Variants in VWA8 observed in about 807,000 individuals in gnomAD.
VWA8 encodes von Willebrand factor A domain-containing protein 8.
A neutral mutation model predicts 241.5 loss-of-function variants in VWA8; 221 were observed. The observed-to-expected ratio is 0.91, with a 90% CI of 0.82 to 1.02. The LOEUF is 1.02. VWA8 is among the 50% of genes least tolerant of loss of function. The pLI is 0.00. For missense variants in VWA8, 2,322 were observed against 2,328.7 expected, an observed-to-expected ratio of 1.00 and a Z score of 0.06; for synonymous variants, 852 against 827.1, an observed-to-expected ratio of 1.03 and a Z score of -0.52.
intron 37 of VWA8, among the ~76,000 whole-genome samples, chr13:41,638,184 T>G (rs1021805814): frequency 6.6e-6 from 1 of 152,212 alleles, no homozygotes; most frequent in Non-Finnish European, 1.5e-5. Context: ...CATTTCCAGC[T>G]TGAAACCTGT....
intron 43 of VWA8, 50 bp downstream of exon 43, chr13:41,575,689 AC>A (rs1181595728): frequency 7.2e-7 from 1 of 1,379,586 alleles, no homozygotes; most frequent in Admixed American, 1.8e-5. Context: ...TTTAGTCTTT[AC>A]CTAACCTGAT....
chr13:41,701,731 A>G (rs764275102), intron 27 of VWA8, among the ~76,000 whole-genome samples: 4 of 152,338 alleles, frequency 2.6e-5, no homozygotes, highest in Non-Finnish European at 5.9e-5. Context: ...CACATGTGCT[A>G]TCTTATTTAA....
At chr13:41,587,764 C>A in intron 41 of VWA8, 94 bp from the exon 42 acceptor site, 1 of 1,488,638 alleles carries the variant, frequency 6.7e-7, no homozygotes, top group South Asian at 1.3e-5. Context: ...AGCGTGCCAG[C>A]CCCGAGATGG....
intron 42 of VWA8, 135 bp downstream of exon 42, chr13:41,587,377 G>GC: frequency 8.9e-7 from 1 of 1,123,802 alleles, no homozygotes; most frequent in Non-Finnish European, 1.2e-6. Flanking sequence ...TAAAACAAAA[G>GC]CTTCACTTTC....
chr13:41,897,737 G>A (rs746358173), intron 4 of VWA8, among the ~76,000 whole-genome samples: 2 of 152,126 alleles, frequency 1.3e-5, no homozygotes, highest in African/African-American at 4.8e-5. Context: ...CCTTCGCTGT[G>A]AGTGTTACAG....
At chr13:41,641,855 G>A (rs1019357031) in intron 37 of VWA8, among the ~76,000 whole-genome samples, 1 of 150,962 alleles carries the variant, frequency 6.6e-6, no homozygotes, top group Non-Finnish European at 1.5e-5. Context: ...TGGTATGCAC[G>A]TGTTTTATAT....
At chr13:41,826,832 C>A (rs1007114906) in intron 14 of VWA8, among the ~76,000 whole-genome samples, 4 of 152,014 alleles carry the variant, frequency 2.6e-5, no homozygotes, top group African/African-American at 9.7e-5. Flanking sequence ...CGAGATTGTG[C>A]CACTGCACTC....
chr13:41,651,709 A>G (rs2044870505), intron 37 of VWA8, among the ~76,000 whole-genome samples: 1 of 152,192 alleles, frequency 6.6e-6, no homozygotes. Flanking sequence ...CCAACTGTTA[A>G]AGTTTTTTTT....
intron 3 of VWA8, among the ~76,000 whole-genome samples, chr13:41,908,577 A>G (rs958315917): frequency 1.3e-5 from 2 of 151,970 alleles, no homozygotes; most frequent in Non-Finnish European, 2.9e-5. Context: ...GAGAGGAAGG[A>G]GGTGATGAAA....
Position 41,605,174 on chromosome 13 carries a change from A to C in VWA8, c.4980T>G (p.Asn1660Lys), listed in dbSNP as rs1470469142. The C allele has an allele frequency of 6.2e-7, 1 of 1,612,898 alleles. No individual in the cohort carries two copies. The highest frequency in any genetic ancestry group is 8.5e-7 in the Non-Finnish European group (1 of 1,179,200). The change falls in exon 40 of 45, where the codon AAT becomes AAG. Residue 1660 changes from asparagine (N) to lysine (K), a missense_variant. Transcript: ENST00000379310. The stretch of plus-strand genomic sequence containing the variant: ...TCCATAAGTAGAAGATTACCTGTAA[A>C]TTATCCAGGATGATTCGGAGGGAGT... ...QVHSLRIILD[N>K]LQAKGKERQW... is the part of the protein sequence containing the mutation.
rs569820712 is a variant in VWA8 at position 41,818,737 on chromosome 13, T to TA, written c.1869+480dup. Among the ~76,000 whole-genome samples, 1,450 of 152,256 alleles carry TA rather than the reference T, an allele frequency of 9.5e-3. 7 individuals carry two copies. The highest frequency in any genetic ancestry group is 0.014 in the Non-Finnish European group (932 of 68,018). On this transcript the variant is annotated intron_variant, in intron 15 of 44. Transcript: ENST00000379310. ...CTAATCAGGCAAGTACAGGATATGT[T>TA]ACAGTCTTGAGAGACCAGGACTACT...
At chr13:41,939,601 G>A (rs554308477) in intron 2 of VWA8, among the ~76,000 whole-genome samples, 1 of 152,150 alleles carries the variant, frequency 6.6e-6, no homozygotes, top group Non-Finnish European at 1.5e-5. Context: ...GAAGACAGAA[G>A]CAATTCAAAA....
At chr13:41,629,366 A>G (rs2044712544) in intron 37 of VWA8, among the ~76,000 whole-genome samples, 1 of 152,218 alleles carries the variant, frequency 6.6e-6, no homozygotes, top group African/African-American at 2.4e-5. Context: ...GTAAAGAGCT[A>G]TAACATTGTA....
At chr13:41,814,013 G>A (rs1264334288) in intron 16 of VWA8, among the ~76,000 whole-genome samples, 1 of 151,836 alleles carries the variant, frequency 6.6e-6, no homozygotes. Context: ...AAAACATAAA[G>A]GTTCTCATCA....
chr13:41,935,413 A>G (rs1877302436), intron 2 of VWA8, among the ~76,000 whole-genome samples: 1 of 152,096 alleles, frequency 6.6e-6, no homozygotes, highest in South Asian at 2.1e-4. Flanking sequence ...GGTCCTATAA[A>G]ATGAGTCCAA....
chr13:41,727,029 A>T (rs1179983853), intron 24 of VWA8, among the ~76,000 whole-genome samples, 165 bp downstream of exon 24: 1 of 152,068 alleles, frequency 6.6e-6, no homozygotes, highest in Non-Finnish European at 1.5e-5. Context: ...ACCTCTCTGA[A>T]TATCAGATAT....
chr13:41,573,610 C>CACATATATATATATATATATATAT (rs1555303639), intron 43 of VWA8, among the ~76,000 whole-genome samples: 69 of 140,186 alleles, frequency 4.9e-4, no homozygotes, highest in African/African-American at 1.8e-3. Flanking sequence ...TATATATACG[C>CACATATATATATATATATATATAT]ATATATATGG....
chr13:41,727,130 A>T, intron 24 of VWA8, 64 bp downstream of exon 24: 2 of 1,272,386 alleles, frequency 1.6e-6, no homozygotes, highest in Non-Finnish European at 1.1e-6. Flanking sequence ...GACAGCCATT[A>T]CAGCAGTGTT....
chr13:41,669,954 G>T (rs2045011151), intron 37 of VWA8, among the ~76,000 whole-genome samples: 1 of 152,014 alleles, frequency 6.6e-6, no homozygotes, highest in Non-Finnish European at 1.5e-5. Flanking sequence ...CCTTCAAAAA[G>T]ATTTGAGTTT....
Sources: allele counts gnomAD v4.1 joint callset (sites outside exome capture counted in the v4.1 genomes callset), GRCh38; gene constraint gnomAD v4.1.1; transcripts MANE v1.5; gene names NCBI Gene and HGNC (gene_info 2026-07-23, HGNC 2026-07-21).